CNTN4: variants seen among roughly 807,000 people sequenced by gnomAD.
The protein encoded by CNTN4 is contactin-4.
In CNTN4, 77 loss-of-function variants were observed where a neutral mutation model predicts 122.5. The observed-to-expected ratio is 0.63, with a 90% CI of 0.52 to 0.76. The LOEUF (loss-of-function observed/expected upper bound fraction) is 0.76. CNTN4 is among the 30% of genes least tolerant of loss of function. CNTN4 has a pLI of 0.00. For synonymous variants in CNTN4, 512 were observed against 447.0 expected (o/e 1.15, Z -1.83); for missense variants, 1,256 against 1,259.1 (o/e 1.00, Z 0.04).
At chr3:2,895,990 G>A (rs1411161267) in intron 10 of CNTN4, among the ~76,000 whole-genome samples, 5 of 152,170 alleles carry the variant, frequency 3.3e-5, no homozygotes, top group African/African-American at 4.8e-5. Flanking sequence ...CCAAGATGGC[G>A]CCACCGCACT....
chr3:2,245,571 G>C (rs1169286249), intron 2 of CNTN4, among the ~76,000 whole-genome samples: 1 of 151,970 alleles, frequency 6.6e-6, no homozygotes, highest in East Asian at 1.9e-4. Flanking sequence ...CAGAAGTATA[G>C]ACATTGAAAT....
intron 3 of CNTN4, among the ~76,000 whole-genome samples, chr3:2,461,301 C>T (rs1478418858): frequency 1.3e-5 from 2 of 152,128 alleles, no homozygotes; most frequent in South Asian, 2.1e-4. Flanking sequence ...TTTCACTCTT[C>T]TTCCCTTTTA....
intron 4 of CNTN4, among the ~76,000 whole-genome samples, chr3:2,656,568 G>A (rs1354015634): frequency 1.3e-5 from 2 of 152,214 alleles, no homozygotes; most frequent in Non-Finnish European, 2.9e-5. Flanking sequence ...GGAGCATAAT[G>A]CGGACTAACT....
intron 3 of CNTN4, among the ~76,000 whole-genome samples, chr3:2,348,523 T>G: frequency 6.6e-6 from 1 of 152,316 alleles, no homozygotes; most frequent in East Asian, 1.9e-4. Context: ...TAACTGAAAC[T>G]TATTGCAGAG....
intron 2 of CNTN4, among the ~76,000 whole-genome samples, chr3:2,308,157 T>C (rs2042787343): frequency 6.6e-6 from 1 of 152,094 alleles, no homozygotes; most frequent in South Asian, 2.1e-4. Context: ...ATTTTTCTAT[T>C]TTTGTCTAAA....
chr3:2,394,400 C>A (rs1387358033), intron 3 of CNTN4, among the ~76,000 whole-genome samples: 1 of 152,104 alleles, frequency 6.6e-6, no homozygotes. Context: ...CTACTGCTAA[C>A]CCAAAGTCTC....
chr3:2,179,474 T>C (rs973595981), intron 2 of CNTN4, among the ~76,000 whole-genome samples: 1 of 151,954 alleles, frequency 6.6e-6, no homozygotes, highest in Non-Finnish European at 1.5e-5. Context: ...CCAGCATGGA[T>C]GAACGCTTTC....
intron 3 of CNTN4, among the ~76,000 whole-genome samples, chr3:2,406,614 G>GT (rs2047047163): frequency 1.3e-5 from 2 of 152,106 alleles, no homozygotes; most frequent in East Asian, 1.9e-4. Context: ...AAAATATAAA[G>GT]TAATTTTTTT....
intron 2 of CNTN4, among the ~76,000 whole-genome samples, chr3:2,155,600 T>TG (rs984345944): frequency 2.6e-4 from 40 of 152,354 alleles, no homozygotes; most frequent in African/African-American, 9.1e-4. Flanking sequence ...ATGTCGCCAG[T>TG]GGGCACTGAA....
At chr3:2,535,085 T>G (rs1484351475) in intron 3 of CNTN4, among the ~76,000 whole-genome samples, 1 of 152,156 alleles carries the variant, frequency 6.6e-6, no homozygotes, top group Non-Finnish European at 1.5e-5. Flanking sequence ...TTCTTGAGGA[T>G]TACTTTAAAT....
rs191059755 is a variant in CNTN4 at position 2,216,832 on chromosome 3, G to A, written c.-145+116193G>A. ...GTTACGGCCTCTTGAAAAGTCTTGC[G>A]GTCTCAGTCTTATCAACTTTTCTTG... On this transcript the variant is annotated intron_variant, in intron 2 of 24. Coordinates refer to ENST00000418658, the MANE Select transcript of CNTN4 (RefSeq NM_175607.3). 3.1e-3 allele frequency among the ~76,000 whole-genome samples: 467 copies of A among 152,106 alleles called. 3 individuals carry two copies. Among genetic ancestry groups the A allele is most frequent in the African/African-American group, 0.011 (447 of 41,486 alleles).
At chr3:2,643,115 T>A (rs997755301) in intron 4 of CNTN4, among the ~76,000 whole-genome samples, 2 of 152,208 alleles carry the variant, frequency 1.3e-5, no homozygotes, top group African/African-American at 4.8e-5. Context: ...CTTTTATCTC[T>A]ATGTATTAAT....
chr3:2,443,872 T>C (rs1228662211), intron 3 of CNTN4, among the ~76,000 whole-genome samples: 2 of 152,190 alleles, frequency 1.3e-5, no homozygotes, highest in Non-Finnish European at 2.9e-5. Context: ...ATTTTGTGTA[T>C]AAATGGATTC....
intron 4 of CNTN4, among the ~76,000 whole-genome samples, chr3:2,633,643 C>G (rs1413629376): frequency 6.6e-6 from 1 of 152,100 alleles, no homozygotes; most frequent in East Asian, 1.9e-4. Flanking sequence ...ATCACAAAAA[C>G]AGCTAAATCC....
intron 4 of CNTN4, among the ~76,000 whole-genome samples, chr3:2,681,881 C>T (rs1441476077): frequency 6.6e-6 from 1 of 152,072 alleles, no homozygotes; most frequent in Non-Finnish European, 1.5e-5. Flanking sequence ...ATGTATCTTG[C>T]TATAATTGAA....
chr3:2,547,364 A>G (rs1216844644), intron 3 of CNTN4, among the ~76,000 whole-genome samples: 3 of 151,880 alleles, frequency 2.0e-5, no homozygotes, highest in East Asian at 3.9e-4. Flanking sequence ...CCTGCATTCA[A>G]GCGATTCTTT....
rs182102428 is a variant in CNTN4 at position 2,271,425 on chromosome 3, G to A, written c.-144-67753G>A. Among the ~76,000 whole-genome samples the A allele has an allele frequency of 9.9e-3, 1,503 of 152,184 alleles. 14 individuals are homozygous for A. Among genetic ancestry groups the A allele is most frequent in the Middle Eastern group, 0.031 (9 of 294 alleles). On this transcript the variant is annotated intron_variant, in intron 2 of 24. Transcript: ENST00000418658. ...CATGGATTCAATTTCTGTCTCCGTA[G>A]TAACCTGCTGTATTATCTTTCTCTA...
intron 2 of CNTN4, among the ~76,000 whole-genome samples, chr3:2,338,892 A>G (rs1221373688): frequency 6.6e-6 from 1 of 152,138 alleles, no homozygotes; most frequent in Non-Finnish European, 1.5e-5. Context: ...AAAATATTGC[A>G]GGCTCCTAGA....
chr3:2,587,778 T>C (rs2080272027), intron 4 of CNTN4, among the ~76,000 whole-genome samples: 1 of 152,216 alleles, frequency 6.6e-6, no homozygotes, highest in Non-Finnish European at 1.5e-5. Context: ...TTATGAATTT[T>C]TTTTCAGTTA....
Sources: allele counts gnomAD v4.1 joint callset (sites outside exome capture counted in the v4.1 genomes callset), GRCh38; gene constraint gnomAD v4.1.1; transcripts MANE v1.5; gene names NCBI Gene and HGNC (gene_info 2026-07-23, HGNC 2026-07-21).